Variants in SGMS1 observed in about 807,000 individuals in gnomAD.
The protein encoded by SGMS1 is sphingomyelin synthase 1, also known as phosphatidylcholine:ceramide cholinephosphotransferase 1.
A neutral mutation model predicts 46.2 loss-of-function variants in SGMS1; 13 were observed. That is an observed-to-expected ratio of 0.28 (90% CI 0.18 to 0.45). SGMS1 has a LOEUF of 0.45. Ranked by LOEUF, SGMS1 falls within the 20% of genes least tolerant of loss-of-function variation. The pLI is 1.00. For missense variants in SGMS1, 324 were observed against 519.9 expected (o/e 0.62, Z 3.66); for synonymous variants, 203 against 187.8 (o/e 1.08, Z -0.66).
intron 6 of SGMS1, among the ~76,000 whole-genome samples, chr10:50,423,104 G>A (rs1849276717): frequency 6.6e-6 from 1 of 152,192 alleles, no homozygotes; most frequent in African/African-American, 2.4e-5. Context: ...TAACAAAAAT[G>A]GCACTTGAGG....
intron 5 of SGMS1, among the ~76,000 whole-genome samples, chr10:50,447,228 T>C (rs1159953461): frequency 6.6e-6 from 1 of 152,214 alleles, no homozygotes; most frequent in African/African-American, 2.4e-5. Context: ...AATTTTCTAA[T>C]GTCTTATTCA....
chr10:50,494,384 C>T lies in SGMS1; in HGVS notation c.-498+25447G>A, dbSNP rs147100086. The stretch of plus-strand genomic sequence containing the variant: ...CAAAGACATGGAATCAACCTAAATG[C>T]CCATCAGTGGTAGACTGGATAAAGG... On this transcript the variant is annotated intron_variant, in intron 3 of 10. Coordinates refer to ENST00000361781, the MANE Select transcript of SGMS1 (RefSeq NM_147156.4). Among the ~76,000 whole-genome samples the T allele has an allele frequency of 1.4e-3, 209 of 152,290 alleles. 1 individual carries two copies. The highest frequency in any genetic ancestry group is 3.4e-3 in the Middle Eastern group (1 of 294).
chr10:50,365,651 T>C (rs757543784), intron 6 of SGMS1, among the ~76,000 whole-genome samples: 1 of 152,172 alleles, frequency 6.6e-6, no homozygotes, highest in Non-Finnish European at 1.5e-5. Context: ...TTCTCCTTGT[T>C]CGACTCCCAC....
At chr10:50,494,942 A>C (rs1304677068) in intron 3 of SGMS1, among the ~76,000 whole-genome samples, 1 of 151,430 alleles carries the variant, frequency 6.6e-6, no homozygotes, top group Non-Finnish European at 1.5e-5. Flanking sequence ...AGGCTGAGGC[A>C]GGAGAATGGC....
At chr10:50,449,958 T>C (rs1343052464) in intron 5 of SGMS1, among the ~76,000 whole-genome samples, 1 of 152,104 alleles carries the variant, frequency 6.6e-6, no homozygotes, top group Non-Finnish European at 1.5e-5. Context: ...TGAAGTAAGA[T>C]AATGAAGGTC....
At chr10:50,600,075 A>C (rs1460374248) in intron 1 of SGMS1, among the ~76,000 whole-genome samples, 1 of 152,216 alleles carries the variant, frequency 6.6e-6, no homozygotes, top group Admixed American at 6.5e-5. Flanking sequence ...GGCGGCATAT[A>C]ACTCTGAGCA....
At position 50,419,720 on chromosome 10, in the gene SGMS1, C is replaced by T. The variant is rs192067163; in HGVS notation, c.-232+13756G>A. Among the ~76,000 whole-genome samples the T allele has an allele frequency of 1.5e-3, 232 of 152,154 alleles. 1 individual carries two copies. The highest frequency in any genetic ancestry group is 4.8e-3 in the African/African-American group (200 of 41,488). ...TTAAGAAATGAGTTGATTGCTATTG[C>T]CAAAAGAGAATTTCTAGATGGGAAG... On this transcript the variant is annotated intron_variant, in intron 6 of 10. Transcript: ENST00000361781.
chr10:50,379,622 C>G (rs1266172732), intron 6 of SGMS1, among the ~76,000 whole-genome samples: 1 of 151,978 alleles, frequency 6.6e-6, no homozygotes, highest in East Asian at 1.9e-4. Flanking sequence ...CTAAAGATTA[C>G]AGAGAGAGTA....
intron 3 of SGMS1, among the ~76,000 whole-genome samples, chr10:50,480,269 A>G (rs756095991): frequency 6.6e-6 from 1 of 152,124 alleles, no homozygotes; most frequent in African/African-American, 2.4e-5. Flanking sequence ...TAGGTCTTAA[A>G]GAAAACGAGA....
At position 50,343,862 on chromosome 10, in the gene SGMS1, G is replaced by A. The variant is rs1589395162; in HGVS notation, c.253C>T (p.Leu85Phe). The stretch of plus-strand genomic sequence containing the variant: ...GTGGGGATGTCTACGCCAATGTTGA[G>A]GTGCCCATTGGCATGGCCGTTCTTG... ...AHKNGHANGH[L>F]NIGVDIPTPD... The change falls in exon 7 of 11, where the codon CTC (leucine) becomes TTC (phenylalanine). Residue 85 changes from leucine to phenylalanine, a missense_variant. Physicochemically the swap from Leu to Phe is conservative, Grantham distance 22. Around this residue, in one of 2 missense-constraint regions of SGMS1, gnomAD observed 150 missense variants for 169.8 expected, o/e 0.88. Coordinates refer to ENST00000361781, the MANE Select transcript of SGMS1 (RefSeq NM_147156.4). The A allele has an allele frequency of 2.5e-6, 4 of 1,614,144 alleles. No individual in the cohort carries two copies. The highest frequency in any genetic ancestry group is 2.5e-6 in the Non-Finnish European group (3 of 1,180,038).
chr10:50,613,553 C>A (rs1838769856), intron 1 of SGMS1, among the ~76,000 whole-genome samples: 1 of 152,254 alleles, frequency 6.6e-6, no homozygotes, highest in South Asian at 2.1e-4. Flanking sequence ...CCCTGGCAAT[C>A]CCCCCATCCT....
intron 6 of SGMS1, among the ~76,000 whole-genome samples, chr10:50,383,012 C>T (rs1387272464): frequency 2.0e-5 from 3 of 152,226 alleles, no homozygotes; most frequent in African/African-American, 7.2e-5. Flanking sequence ...GAGTCATAAA[C>T]TCTACAATAG....
chr10:50,406,758 G>A (rs1279534951), intron 6 of SGMS1, among the ~76,000 whole-genome samples: 2 of 148,982 alleles, frequency 1.3e-5, no homozygotes, highest in African/African-American at 5.0e-5. Context: ...AGGCTGGAGT[G>A]CAGTGGTGTG....
intron 6 of SGMS1, among the ~76,000 whole-genome samples, chr10:50,351,123 C>T (rs974516962): frequency 1.3e-5 from 2 of 152,202 alleles, no homozygotes; most frequent in African/African-American, 4.8e-5. Flanking sequence ...GATGTGAGAC[C>T]TGGAGTCAAA....
intron 6 of SGMS1, among the ~76,000 whole-genome samples, chr10:50,376,045 A>G (rs1046552498): frequency 1.3e-5 from 2 of 152,164 alleles, no homozygotes; most frequent in African/African-American, 4.8e-5. Flanking sequence ...GTTTGGTCTC[A>G]TGCTTTTATT....
intron 6 of SGMS1, among the ~76,000 whole-genome samples, chr10:50,383,167 T>C (rs1227843110): frequency 6.6e-6 from 1 of 152,186 alleles, no homozygotes; most frequent in Non-Finnish European, 1.5e-5. Flanking sequence ...GATGAAGACA[T>C]GGAGGCTCAG....
chr10:50,616,704 C>T (rs142216414), intron 1 of SGMS1, among the ~76,000 whole-genome samples: 218 of 152,264 alleles, frequency 1.4e-3, no homozygotes, highest in African/African-American at 4.2e-3. Context: ...ACCTATTAGC[C>T]TCCCTCTAAT....
intron 6 of SGMS1, among the ~76,000 whole-genome samples, chr10:50,375,241 G>A (rs1054100287): frequency 2.8e-4 from 43 of 152,212 alleles, no homozygotes; most frequent in African/African-American, 1.0e-3. Context: ...AGACAAGGTA[G>A]AGATTTCTGG....
intron 6 of SGMS1, among the ~76,000 whole-genome samples, chr10:50,349,231 G>T (rs919636627): frequency 6.6e-6 from 1 of 152,166 alleles, no homozygotes; most frequent in African/African-American, 2.4e-5. Flanking sequence ...AATTCTCTAC[G>T]TATTCATCAA....
Sources: allele counts gnomAD v4.1 joint callset (sites outside exome capture counted in the v4.1 genomes callset), GRCh38; gene constraint gnomAD v4.1.1; regional missense constraint gnomAD v4.1.1; transcripts MANE v1.5; gene names NCBI Gene and HGNC (gene_info 2026-07-23, HGNC 2026-07-21).